Variants in CSMD1 observed in about 807,000 individuals in gnomAD.
The protein encoded by CSMD1 is CUB and Sushi multiple domains 1.
A neutral mutation model predicts 417.5 loss-of-function variants in CSMD1; 213 were observed. The observed-to-expected ratio is 0.51, with a 90% CI of 0.46 to 0.57. CSMD1 has a LOEUF of 0.57. CSMD1 is among the 20% of genes least tolerant of loss of function. The pLI is 0.00. For missense variants in CSMD1, 6,923 were observed against 4,529.7 expected (o/e 1.53, Z -15.17); for synonymous variants, 2,862 against 1,736.8 (o/e 1.65, Z -16.11).
At chr8:3,294,214 G>A (rs1223355208) in intron 25 of CSMD1, among the ~76,000 whole-genome samples, 1 of 140,254 alleles carries the variant, frequency 7.1e-6, no homozygotes, top group African/African-American at 2.5e-5. Context: ...CAGGCCGTGT[G>A]AGGTGTCTGT....
At chr8:4,620,679 A>G (rs1801728055) in intron 2 of CSMD1, among the ~76,000 whole-genome samples, 1 of 151,968 alleles carries the variant, frequency 6.6e-6, no homozygotes, top group African/African-American at 2.4e-5. Context: ...AGATAAAATC[A>G]TAAGAGAAGT....
intron 26 of CSMD1, among the ~76,000 whole-genome samples, chr8:3,251,164 C>T (rs1191867405): frequency 6.6e-6 from 1 of 152,100 alleles, no homozygotes; most frequent in Non-Finnish European, 1.5e-5. Context: ...ATGGTATTGC[C>T]TAGGTTTTCT....
At chr8:4,496,235 C>G (rs1197157255) in intron 2 of CSMD1, among the ~76,000 whole-genome samples, 1 of 152,138 alleles carries the variant, frequency 6.6e-6, no homozygotes, top group Non-Finnish European at 1.5e-5. Context: ...AAAAAACAAC[C>G]TGAGTTTTGC....
chr8:4,407,541 C>A (rs1446938366), intron 3 of CSMD1, among the ~76,000 whole-genome samples: 2 of 152,112 alleles, frequency 1.3e-5, no homozygotes, highest in African/African-American at 4.8e-5. Context: ...GTACAGATAT[C>A]TTGTGCTAAT....
intron 61 of CSMD1, 142 bp downstream of exon 61, chr8:2,962,324 T>A: frequency 1.5e-6 from 1 of 685,190 alleles, no homozygotes. Flanking sequence ...GCAATCCTAC[T>A]CAGTGCAAAA....
At chr8:3,437,782 C>G (rs573131030) in intron 12 of CSMD1, among the ~76,000 whole-genome samples, 1 of 150,320 alleles carries the variant, frequency 6.7e-6, no homozygotes, top group Non-Finnish European at 1.5e-5. Context: ...GAGTCTTGCT[C>G]TGTTGCCCAG....
At chr8:4,334,563 G>C (rs978714338) in intron 3 of CSMD1, among the ~76,000 whole-genome samples, 1 of 152,130 alleles carries the variant, frequency 6.6e-6, no homozygotes, top group South Asian at 2.1e-4. Context: ...ATGAAAGATT[G>C]ATGGATGACA....
At chr8:4,922,029 A>C (rs1409502754) in intron 1 of CSMD1, among the ~76,000 whole-genome samples, 2 of 152,150 alleles carry the variant, frequency 1.3e-5, no homozygotes, top group East Asian at 1.9e-4. Context: ...CCTTTCAAGA[A>C]TCCCCCAGCA....
chr8:4,052,697 T>C (rs1798495000), intron 3 of CSMD1, among the ~76,000 whole-genome samples: 1 of 152,140 alleles, frequency 6.6e-6, no homozygotes, highest in Non-Finnish European at 1.5e-5. Flanking sequence ...GTGTATATAT[T>C]TGCTATTAAT....
At chr8:3,323,875 G>A (rs887340281) in intron 23 of CSMD1, among the ~76,000 whole-genome samples, 21 of 146,550 alleles carry the variant, frequency 1.4e-4, no homozygotes, top group African/African-American at 5.4e-4. Flanking sequence ...CAGAGACCCA[G>A]GAGGGGGAGT....
chr8:4,464,377 C>T (rs1433881551), intron 2 of CSMD1, among the ~76,000 whole-genome samples: 1 of 152,210 alleles, frequency 6.6e-6, no homozygotes, highest in African/African-American at 2.4e-5. Context: ...GATGAAAATG[C>T]ATTTAATATA....
chr8:4,320,340 G>C (rs889928041), intron 3 of CSMD1, among the ~76,000 whole-genome samples: 2 of 152,084 alleles, frequency 1.3e-5, no homozygotes, highest in African/African-American at 4.8e-5. Context: ...CCTTCCACAA[G>C]TCATCACACA....
intron 5 of CSMD1, among the ~76,000 whole-genome samples, chr8:3,769,006 C>T (rs2129058251): frequency 6.6e-6 from 1 of 152,376 alleles, no homozygotes; most frequent in East Asian, 1.9e-4. Flanking sequence ...GCCCACAGCA[C>T]ACCTGGGGAG....
chr8:3,278,177 TGAA>T (rs1341853951), intron 26 of CSMD1, among the ~76,000 whole-genome samples: 1 of 151,988 alleles, frequency 6.6e-6, no homozygotes, highest in Admixed American at 6.6e-5. Flanking sequence ...GAAAAACAAC[TGAA>T]GAAAGAGTTT....
intron 25 of CSMD1, among the ~76,000 whole-genome samples, chr8:3,286,969 A>T (rs1472889778): frequency 6.6e-6 from 1 of 152,176 alleles, no homozygotes; most frequent in Non-Finnish European, 1.5e-5. Context: ...CTAACATTTA[A>T]GTCTTTAATC....
intron 1 of CSMD1, among the ~76,000 whole-genome samples, chr8:4,663,181 G>A (rs1363338090): frequency 6.6e-6 from 1 of 152,144 alleles, no homozygotes; most frequent in Admixed American, 6.5e-5. Context: ...GCTGGGAAGT[G>A]CTGGTTCTCT....
In CSMD1 at chr8:3,421,903, G is replaced by A. The variant is rs140860228; in HGVS notation, c.1562-12298C>T. Among the ~76,000 whole-genome samples, 14 of 145,816 alleles carry A rather than the reference G, an allele frequency of 9.6e-5. No homozygotes were observed. The East Asian group carries it at 2.7e-3, about 28-fold the overall frequency. On this transcript the variant is annotated intron_variant, in intron 12 of 69. Transcript: ENST00000635120. ...TCCACCCACCTTGGCCGCCCAAAGT[G>A]CTGGGATTACAGGCGTGAGCCACGG...
At chr8:4,648,075 C>G (rs1803649823) in intron 1 of CSMD1, among the ~76,000 whole-genome samples, 1 of 152,240 alleles carries the variant, frequency 6.6e-6, no homozygotes, top group Non-Finnish European at 1.5e-5. Context: ...TCACAAGCAT[C>G]TGTTGTTTCC....
At chr8:4,210,703 T>G (rs923004421) in intron 3 of CSMD1, among the ~76,000 whole-genome samples, 1 of 152,216 alleles carries the variant, frequency 6.6e-6, no homozygotes, top group Non-Finnish European at 1.5e-5. Context: ...TTTGCTCATT[T>G]AATTGTAATG....
Sources: gnomAD v4.1 joint callset for allele counts (sites outside exome capture counted in the v4.1 genomes callset) on GRCh38, gnomAD v4.1.1 for gene constraint, MANE v1.5 for transcripts, NCBI Gene and HGNC (gene_info 2026-07-23, HGNC 2026-07-21) for gene names.